The following GOLGA6L2 variants were observed in gnomAD, a reference collection of about 807,000 sequenced individuals.
GOLGA6L2 encodes the protein golgin A6 family like 2, also known as golgin subfamily A member 6-like protein 2.
GOLGA6L2 carries 30 observed loss-of-function variants against 35.9 expected under a neutral mutation model. That is an observed-to-expected ratio of 0.83 (90% CI 0.62 to 1.13). The LOEUF (loss-of-function observed/expected upper bound fraction) is 1.13. Among genes scored for constraint, GOLGA6L2 ranks in the 50% most tolerant of loss-of-function variants. GOLGA6L2 has a pLI of 0.00. For synonymous variants in GOLGA6L2, 297 were observed against 344.0 expected, an observed-to-expected ratio of 0.86 and a Z score of 1.51; for missense variants, 821 against 973.4, an observed-to-expected ratio of 0.84 and a Z score of 2.08.
rs777835836 is a variant in GOLGA6L2, at chr15:23,444,215, A to G, written c.244-3T>C. The G allele has an allele frequency of 1.1e-5, 18 of 1,603,784 alleles. No homozygotes were observed. In the South Asian group the frequency reaches 2.0e-4, roughly 18 times the overall value. On this transcript the variant is annotated splice_polypyrimidine_tract_variant and splice_region_variant and intron_variant, in intron 3 of 7. Coordinates refer to ENST00000567107, the MANE Select transcript of GOLGA6L2 (RefSeq NM_001304388.2). ...TGTTGGTGGCTTGCCTTCTTTTCCT[A>G]TAGAAAGAGGAAGACAGAGCTCTTA...
In GOLGA6L2 at chr15:23,446,327, C is replaced by T. The variant is rs575549851; in HGVS notation, c.84+771G>A. Among the ~76,000 whole-genome samples the T allele has an allele frequency of 3.3e-5, 5 of 152,210 alleles. No homozygotes were observed. In the East Asian group the frequency reaches 9.7e-4, roughly 29 times the overall value. ...CAGGGGGAGGTGTAGGCTTTTCAAA[C>T]TGTCAATGTCTGTGTTAAGGGAGTA... On this transcript the variant is annotated intron_variant, in intron 1 of 7. Transcript: ENST00000567107.
Position 23,443,925 on chromosome 15 carries a change from CT to C in GOLGA6L2, c.442del (p.Arg148GlyfsTer55). On this transcript the variant is annotated frameshift_variant, in exon 5 of 8. Coordinates refer to ENST00000567107, the MANE Select transcript of GOLGA6L2 (RefSeq NM_001304388.2). LOFTEE classifies it high-confidence loss of function. The part of the protein sequence containing the change: ...SFNLALSQAF[R>X]GSPLGCVSTS... ...TGAGACACAGCCCAAAGGACTCCCC[CT>C]AAAGGCCTGTGAAAGTGCCAGGTTG... The C allele has an allele frequency of 6.4e-7, 1 of 1,553,140 alleles. No homozygotes were observed. The highest frequency in any genetic ancestry group is 8.7e-7 in the Non-Finnish European group (1 of 1,155,864).
In GOLGA6L2 at chr15:23,444,019, C is replaced by T; in HGVS notation, c.349G>A (p.Ala117Thr). Residue 117 changes from alanine (A) to threonine (T), a missense_variant, in exon 5 of 8, where the codon GCG becomes ACG. Ala to Thr is a moderately conservative substitution (Grantham distance 58, BLOSUM62 0). This residue lies in a region of GOLGA6L2 where 614 missense variants were observed against 632.3 expected (regional missense o/e 0.97). Transcript: ENST00000567107. ...LTCQKTELET[A>T]LYYSQDAARK... ...GCAGCATCCTGGCTGTAATAGAGCG[C>T]TGTCTCCAGTTCAGTTTTCTGACAC... 1 of 1,552,162 alleles carries T rather than the reference C, an allele frequency of 6.4e-7. No homozygotes were observed. The highest frequency in any genetic ancestry group is 8.7e-7 in the Non-Finnish European group (1 of 1,155,080).
At position 23,439,447 on chromosome 15, in the gene GOLGA6L2, C is replaced by CTTTT; in HGVS notation, c.*294_*297dup. 11 of 417,640 alleles carry CTTTT rather than the reference C, an allele frequency of 2.6e-5. No homozygotes were observed. Among genetic ancestry groups the CTTTT allele is most frequent in the East Asian group, 6.3e-5 (1 of 15,864 alleles). The allele number at this position is 417,640 out of a possible 1,614,324, so 25.9% of individuals were successfully genotyped here. ...CACAATTTAAAGTAAATTTTCTTTT[C>CTTTT]TTTTTTTTTTTTTTTTTCAAGTTTG... On this transcript the variant is annotated 3_prime_UTR_variant, in exon 8 of 8. Transcript: ENST00000567107.
At chr15:23,446,831 G>C (rs374322525) in intron 1 of GOLGA6L2, among the ~76,000 whole-genome samples, 5 of 152,088 alleles carry the variant, frequency 3.3e-5, no homozygotes, top group African/African-American at 1.2e-4. Context: ...TCAGTTTTGG[G>C]GTAATAGGAG....
At position 23,443,769 on chromosome 15, in the gene GOLGA6L2, G is replaced by T; in HGVS notation, c.591+8C>A. On this transcript the variant is annotated splice_region_variant and intron_variant, in intron 5 of 7. Transcript: ENST00000567107. The stretch of plus-strand genomic sequence containing the variant: ...ATCCCAGGAGACTGGGGAGGTGATT[G>T]GACTTACCCTGTCTGCCTTCTTGTG... 1.3e-6 allele frequency: 2 copies of T among 1,533,956 alleles called. No individual in the cohort carries two copies. Among genetic ancestry groups the T allele is most frequent in the Non-Finnish European group, 1.7e-6 (2 of 1,144,886 alleles).
intron 6 of GOLGA6L2, 101 bp from the exon 7 acceptor site, chr15:23,442,221 A>G (rs989651749): frequency 4.4e-5 from 59 of 1,341,784 alleles, no homozygotes; most frequent in African/African-American, 3.5e-4. Context: ...GAACCGTGGC[A>G]CTGGAAGGGA....
intron 5 of GOLGA6L2, among the ~76,000 whole-genome samples, chr15:23,442,987 C>A (rs1457276597): frequency 6.6e-6 from 1 of 152,174 alleles, no homozygotes. Context: ...TGGAACCTTT[C>A]TTGAGTGCTT....
At chr15:23,442,315 C>A in intron 6 of GOLGA6L2, 135 bp downstream of exon 6, 2 of 1,189,856 alleles carry the variant, frequency 1.7e-6, no homozygotes, top group Non-Finnish European at 1.2e-6. Context: ...GTGGCACAGC[C>A]GGCACTAGAG....
chr15:23,443,907 C>A lies in GOLGA6L2; in HGVS notation c.461G>T (p.Cys154Phe), dbSNP rs575974720. The stretch of plus-strand genomic sequence containing the variant: ...TCCTGGAATGAGAGAGGTTGAGACA[C>A]AGCCCAAAGGACTCCCCCTAAAGGC... ...SQAFRGSPLG[C>F]VSTSLIPGES... is the part of the protein sequence containing the mutation. The change falls in exon 5 of 8, where the codon TGT (cysteine) becomes TTT (phenylalanine). Residue 154 changes from cysteine (C) to phenylalanine (F), a missense_variant. By Grantham distance (205) the Cys-to-Phe change is radical. Around this residue, in one of 7 missense-constraint regions of GOLGA6L2, gnomAD observed 614 missense variants for 632.3 expected, o/e 0.97. Coordinates refer to ENST00000567107, the MANE Select transcript of GOLGA6L2 (RefSeq NM_001304388.2). The A allele has an allele frequency of 3.9e-6, 6 of 1,546,018 alleles. No individual in the cohort carries two copies. In the Admixed American group the frequency reaches 5.8e-5, roughly 15 times the overall value.
Position 23,439,931 on chromosome 15 carries a change from T to C in GOLGA6L2, c.2544A>G (p.Pro848=), listed in dbSNP as rs2070632413. The C allele has an allele frequency of 6.5e-7, 1 of 1,534,228 alleles. No individual in the cohort carries two copies. The highest frequency in any genetic ancestry group is 1.4e-5 in the African/African-American group (1 of 71,812). ...DAGAGGEDAG[P]GGEDVGPGGE... ...CTCCTGGCCCCACATCTTCTCCTCCTGGCCCCGCATCTTCTCCTCCTGCTC... is the reference window on the plus strand; with the variant it reads ...CTCCTGGCCCCACATCTTCTCCTCCCGGCCCCGCATCTTCTCCTCCTGCTC... The change falls in exon 8 of 8, where the codon CCA becomes CCG. Residue 848 remains proline (P), a synonymous_variant. Transcript: ENST00000567107.
Position 23,446,712 on chromosome 15 carries a change from C to T in GOLGA6L2, c.84+386G>A, listed in dbSNP as rs150598895. On this transcript the variant is annotated intron_variant, in intron 1 of 7. Transcript: ENST00000567107. ...CGGGAGGTGAGGGCCAAGTATGGAG[C>T]GGGGAGCCCCAGGAGTCACCTGCCC... is the stretch of plus-strand genomic sequence containing the variant. Among the ~76,000 whole-genome samples, 877 of 151,812 alleles carry T rather than the reference C, an allele frequency of 5.8e-3. 10 individuals are homozygous for T. The highest frequency in any genetic ancestry group is 0.02 in the African/African-American group (811 of 41,366).
chr15:23,441,768 T>C (rs183574123), intron 7 of GOLGA6L2, 86 bp from the exon 8 acceptor site: 13 of 1,399,242 alleles, frequency 9.3e-6, no homozygotes, highest in Admixed American at 2.9e-5. Context: ...TAAAAAAAAT[T>C]TTTAAGCCTT....
In GOLGA6L2 at chr15:23,443,767, T is replaced by C. The variant is rs1249738748; in HGVS notation, c.591+10A>G. The C allele has an allele frequency of 1.3e-6, 2 of 1,533,982 alleles. No individual in the cohort carries two copies. The highest frequency in any genetic ancestry group is 3.9e-5 in the Admixed American group (2 of 51,034). ...GGATCCCAGGAGACTGGGGAGGTGA[T>C]TGGACTTACCCTGTCTGCCTTCTTG... On this transcript the variant is annotated intron_variant, in intron 5 of 7. Coordinates refer to ENST00000567107, the MANE Select transcript of GOLGA6L2 (RefSeq NM_001304388.2).
At position 23,443,954 on chromosome 15, in the gene GOLGA6L2, G is replaced by A; in HGVS notation, c.414C>T (p.Ser138=). 1 of 1,560,798 alleles carries A rather than the reference G, an allele frequency of 6.4e-7. No homozygotes were observed. The highest frequency in any genetic ancestry group is 8.6e-7 in the Non-Finnish European group (1 of 1,159,888). ...FEDGNLGTPS[S]FNLALSQAFR... ...AGGCCTGTGAAAGTGCCAGGTTGAA[G>A]GATGATGGGGTGCCCAGGTTCCCAT... The change falls in exon 5 of 8, where the codon TCC becomes TCT. Residue 138 remains serine (S), a synonymous_variant. Transcript: ENST00000567107.
At chr15:23,443,063 T>G (rs2070714972) in intron 5 of GOLGA6L2, among the ~76,000 whole-genome samples, 1 of 152,186 alleles carries the variant, frequency 6.6e-6, no homozygotes, top group South Asian at 2.1e-4. Context: ...GTTACCATTA[T>G]TACCTCTATT....
rs960760318 is a variant in GOLGA6L2, at chr15:23,439,126, A to G, written c.*619T>C. On this transcript the variant is annotated 3_prime_UTR_variant, in exon 8 of 8. Transcript: ENST00000567107. ...AAGAAGAAAAACAATAGAAACATACATAGATATCAGAGTCCTCAGGTAGAA... is the reference window on the plus strand; with the variant it reads ...AAGAAGAAAAACAATAGAAACATACGTAGATATCAGAGTCCTCAGGTAGAA... Among the ~76,000 whole-genome samples the G allele has an allele frequency of 6.6e-6, 1 of 151,578 alleles. No homozygotes were observed. The highest frequency in any genetic ancestry group is 1.5e-5 in the Non-Finnish European group (1 of 67,970).
At chr15:23,444,443 C>T in intron 3 of GOLGA6L2, 28 bp downstream of exon 3, 1 of 1,600,230 alleles carries the variant, frequency 6.2e-7, no homozygotes, top group Non-Finnish European at 8.5e-7. Context: ...ACCCAGCAGT[C>T]ATGTCGTGAG....
In GOLGA6L2 at chr15:23,443,966, G is replaced by C. The variant is rs1399339240; in HGVS notation, c.402C>G (p.Gly134=). 3 of 1,561,922 alleles carry C rather than the reference G, an allele frequency of 1.9e-6. No individual in the cohort carries two copies. Among genetic ancestry groups the C allele is most frequent in the Middle Eastern group, 1.7e-4 (1 of 6,014 alleles). The change falls in exon 5 of 8, where the codon GGC becomes GGG. Residue 134 remains glycine, a synonymous_variant. Coordinates refer to ENST00000567107, the MANE Select transcript of GOLGA6L2 (RefSeq NM_001304388.2). Reference sequence around the variant, plus strand: ...GTGCCAGGTTGAAGGATGATGGGGTGCCCAGGTTCCCATCTTCAAATTTCC... The same window carrying C: ...GTGCCAGGTTGAAGGATGATGGGGTCCCCAGGTTCCCATCTTCAAATTTCC... ...AARKFEDGNL[G]TPSSFNLALS... is the part of the protein sequence containing the mutation.
Sources: allele counts gnomAD v4.1 joint callset (sites outside exome capture counted in the v4.1 genomes callset), GRCh38; gene constraint gnomAD v4.1.1; regional missense constraint gnomAD v4.1.1; transcripts MANE v1.5; gene names NCBI Gene and HGNC (gene_info 2026-07-23, HGNC 2026-07-21).